Variants in PRKD1 observed in about 807,000 individuals in gnomAD.
PRKD1 encodes protein kinase D1, also known as serine/threonine-protein kinase D1.
PRKD1 carries 63 observed loss-of-function variants against 95.9 expected under a neutral mutation model. The observed-to-expected ratio is 0.66, with a 90% CI of 0.54 to 0.81. The LOEUF (loss-of-function observed/expected upper bound fraction) is 0.81. Among genes scored for constraint, PRKD1 ranks in the 30% least tolerant of loss-of-function variants. PRKD1 has a pLI of 0.00. For synonymous variants in PRKD1, 425 were observed against 423.1 expected, an observed-to-expected ratio of 1.00 and a Z score of -0.05; for missense variants, 1,048 against 1,165.3, an observed-to-expected ratio of 0.90 and a Z score of 1.47.
intron 2 of PRKD1, among the ~76,000 whole-genome samples, chr14:29,690,292 CCA>C (rs1415861652): frequency 2.0e-5 from 3 of 152,282 alleles, no homozygotes; most frequent in Non-Finnish European, 4.4e-5. Flanking sequence ...CAGCTGTCTA[CCA>C]CACAGTTTGT....
chr14:29,655,444 G>A (rs750846374), intron 4 of PRKD1, among the ~76,000 whole-genome samples: 18 of 152,038 alleles, frequency 1.2e-4, no homozygotes, highest in Admixed American at 2.0e-4. Context: ...TAGAGTTACC[G>A]TAACAAGACC....
intron 2 of PRKD1, among the ~76,000 whole-genome samples, chr14:29,713,421 G>A: frequency 6.6e-6 from 1 of 152,118 alleles, no homozygotes; most frequent in East Asian, 1.9e-4. Flanking sequence ...TTCAAGAGCA[G>A]GTTTTTATAT....
chr14:29,729,796 A>G (rs529305400), intron 1 of PRKD1, among the ~76,000 whole-genome samples: 2 of 152,092 alleles, frequency 1.3e-5, no homozygotes, highest in Admixed American at 6.5e-5. Flanking sequence ...TGCAATAAAT[A>G]CTTCAGCAAT....
intron 2 of PRKD1, among the ~76,000 whole-genome samples, chr14:29,700,009 GAA>G (rs1209066635): frequency 3.9e-5 from 6 of 151,978 alleles, no homozygotes; most frequent in Non-Finnish European, 7.4e-5. Context: ...CCAAAAGAAA[GAA>G]AGGTATAGTA....
At position 29,727,376 on chromosome 14, in the gene PRKD1, C is replaced by T. The variant is rs1886211154; in HGVS notation, c.265-1702G>A. On this transcript the variant is annotated intron_variant, in intron 1 of 17. Coordinates refer to ENST00000331968, the MANE Select transcript of PRKD1 (RefSeq NM_002742.3). Reference sequence around the variant, plus strand: ...TTCACTCTGATGGTAGTTTCTTTTGCTGTGCAGAAGCTCTTTAGTTAATTA... The same window carrying T: ...TTCACTCTGATGGTAGTTTCTTTTGTTGTGCAGAAGCTCTTTAGTTAATTA... Among the ~76,000 whole-genome samples, 3 of 149,902 alleles carry T rather than the reference C, an allele frequency of 2.0e-5. No homozygotes were observed. The South Asian group carries it at 6.5e-4, about 33-fold the overall frequency.
At chr14:29,752,061 T>A (rs921911777) in intron 1 of PRKD1, among the ~76,000 whole-genome samples, 1 of 152,146 alleles carries the variant, frequency 6.6e-6, no homozygotes, top group Non-Finnish European at 1.5e-5. Context: ...AATAAAATTA[T>A]CAACCAATAG....
chr14:29,867,519 T>C (rs1489853718), intron 1 of PRKD1, among the ~76,000 whole-genome samples: 2 of 152,120 alleles, frequency 1.3e-5, no homozygotes, highest in African/African-American at 4.8e-5. Flanking sequence ...TGAAATACAA[T>C]GAAATGAGGT....
intron 16 of PRKD1, among the ~76,000 whole-genome samples, chr14:29,583,984 TCAAA>T (rs1892832393): frequency 6.6e-6 from 1 of 152,190 alleles, no homozygotes; most frequent in Non-Finnish European, 1.5e-5. Flanking sequence ...GAAAATTTTA[TCAAA>T]CATTCTCTTT....
chr14:29,709,997 TCA>T (rs1885265442), intron 2 of PRKD1, among the ~76,000 whole-genome samples: 1 of 152,194 alleles, frequency 6.6e-6, no homozygotes, highest in Admixed American at 6.5e-5. Flanking sequence ...AATTACTTCT[TCA>T]CACAGTGTGT....
chr14:29,721,516 A>G (rs1182604319), intron 2 of PRKD1, among the ~76,000 whole-genome samples: 1 of 152,108 alleles, frequency 6.6e-6, no homozygotes, highest in Non-Finnish European at 1.5e-5. Flanking sequence ...CAACCAAACA[A>G]ACAGTGTTTT....
At position 29,838,542 on chromosome 14, in the gene PRKD1, C is replaced by T. The variant is rs189701480; in HGVS notation, c.264+88707G>A. On this transcript the variant is annotated intron_variant, in intron 1 of 17. Transcript: ENST00000331968. ...TTTTGGTTATTGGCTTTTAATTGCACAGTGATCAAAAAAAAGTTCTCTGTA... is the reference window on the plus strand; with the variant it reads ...TTTTGGTTATTGGCTTTTAATTGCATAGTGATCAAAAAAAAGTTCTCTGTA... Among the ~76,000 whole-genome samples, 227 of 152,126 alleles carry T rather than the reference C, an allele frequency of 1.5e-3. 2 individuals are homozygous for T. Among genetic ancestry groups the T allele is most frequent in the Non-Finnish European group, 1.8e-4 (12 of 67,980 alleles).
At chr14:29,635,170 T>G (rs767893297) in intron 7 of PRKD1, among the ~76,000 whole-genome samples, 2 of 152,224 alleles carry the variant, frequency 1.3e-5, no homozygotes, top group Non-Finnish European at 2.9e-5. Flanking sequence ...GACTCACACA[T>G]GAAAGCTTAT....
intron 1 of PRKD1, among the ~76,000 whole-genome samples, chr14:29,788,393 G>C (rs775934676): frequency 3.3e-5 from 5 of 152,096 alleles, no homozygotes; most frequent in Admixed American, 3.3e-4. Flanking sequence ...ATGTGCCTTG[G>C]AGAAGACCTT....
chr14:29,583,249 C>T (rs531751229), intron 16 of PRKD1, among the ~76,000 whole-genome samples: 43 of 152,216 alleles, frequency 2.8e-4, no homozygotes, highest in African/African-American at 1.0e-3. Context: ...GAACATAGTG[C>T]GGTCTTTCAG....
intron 1 of PRKD1, among the ~76,000 whole-genome samples, chr14:29,913,768 C>A (rs1894798361): frequency 6.6e-6 from 1 of 152,166 alleles, no homozygotes; most frequent in South Asian, 2.1e-4. Flanking sequence ...ATTCGCTTTA[C>A]CACTCAAGCA....
intron 1 of PRKD1, among the ~76,000 whole-genome samples, chr14:29,913,264 G>C (rs1894783169): frequency 6.6e-6 from 1 of 152,198 alleles, no homozygotes; most frequent in Admixed American, 6.5e-5. Flanking sequence ...TCTATGAAAT[G>C]TAAGTTTTAC....
intron 8 of PRKD1, among the ~76,000 whole-genome samples, chr14:29,633,200 C>T (rs1037455244): frequency 1.3e-5 from 2 of 152,144 alleles, no homozygotes; most frequent in African/African-American, 4.8e-5. Context: ...CAGTAAGAGC[C>T]TGGCATTTAG....
intron 1 of PRKD1, among the ~76,000 whole-genome samples, chr14:29,856,198 A>G (rs1892494739): frequency 6.6e-6 from 1 of 152,180 alleles, no homozygotes; most frequent in South Asian, 2.1e-4. Context: ...AATAGGTACC[A>G]GCCTATGCAG....
chr14:29,579,903 T>C (rs1892698165), intron 16 of PRKD1, among the ~76,000 whole-genome samples: 1 of 152,170 alleles, frequency 6.6e-6, no homozygotes. Flanking sequence ...TTTAAAAGTA[T>C]AGTTCTGTGA....
Sources: allele counts gnomAD v4.1 joint callset (sites outside exome capture counted in the v4.1 genomes callset), GRCh38; gene constraint gnomAD v4.1.1; transcripts MANE v1.5; gene names NCBI Gene and HGNC (gene_info 2026-07-23, HGNC 2026-07-21).